Variants in PCDH7 observed in about 807,000 individuals in gnomAD.
The protein encoded by PCDH7 is protocadherin-7.
PCDH7 carries 17 observed loss-of-function variants against 58.9 expected under a neutral mutation model. The ratio of observed to expected loss-of-function variants is 0.29; its 90% CI spans 0.20 to 0.43. The LOEUF (loss-of-function observed/expected upper bound fraction) is 0.43, where lower values mean the gene tolerates loss of function less well. Ranked by LOEUF, PCDH7 falls within the 20% of genes least tolerant of loss-of-function variation. PCDH7 has a pLI of 1.00. For missense variants in PCDH7, 1,274 were observed against 1,441.0 expected, an observed-to-expected ratio of 0.88 and a Z score of 1.88; for synonymous variants, 664 against 616.4, an observed-to-expected ratio of 1.08 and a Z score of -1.14.
At chr4:30,895,787 A>T (rs1739325440) in intron 1 of PCDH7, among the ~76,000 whole-genome samples, 1 of 152,170 alleles carries the variant, frequency 6.6e-6, no homozygotes, top group South Asian at 2.1e-4. Context: ...TTTACATTCT[A>T]CCTTACTCAG....
chr4:30,934,395 A>G (rs926305488), intron 2 of PCDH7, among the ~76,000 whole-genome samples: 3 of 151,478 alleles, frequency 2.0e-5, no homozygotes, highest in African/African-American at 4.9e-5. Flanking sequence ...TAGCTTCTTA[A>G]ACTTTTTCTG....
intron 1 of PCDH7, among the ~76,000 whole-genome samples, chr4:30,880,045 C>T (rs1736769221): frequency 6.6e-6 from 1 of 152,104 alleles, no homozygotes; most frequent in South Asian, 2.1e-4. Flanking sequence ...CACTCTTAGT[C>T]AGTATACCAG....
At chr4:30,751,079 G>A (rs1406708863) in intron 1 of PCDH7, among the ~76,000 whole-genome samples, 1 of 152,152 alleles carries the variant, frequency 6.6e-6, no homozygotes, top group Non-Finnish European at 1.5e-5. Context: ...ACTTTTTGTG[G>A]CCATGTTAAG....
At chr4:31,097,638 A>ATATATATATATATAT (rs370034723) in intron 3 of PCDH7, among the ~76,000 whole-genome samples, 4 of 79,252 alleles carry the variant, frequency 5.0e-5, no homozygotes, top group South Asian at 4.3e-4. Context: ...ATATATATAT[A>ATATATATATATATAT]AATCTTTTTT....
downstream of PCDH7, chr4:31,144,980 T>C (rs1477905769): frequency 1.3e-5 from 2 of 152,220 alleles, no homozygotes; most frequent in South Asian, 2.1e-4. Flanking sequence ...AAGATACTTA[T>C]GAAATGTATA....
At chr4:30,897,442 T>G (rs1739597759) in intron 1 of PCDH7, among the ~76,000 whole-genome samples, 1 of 152,176 alleles carries the variant, frequency 6.6e-6, no homozygotes, top group Admixed American at 6.5e-5. Context: ...TTTTTAAGGT[T>G]TTCCTAAAGA....
intron 3 of PCDH7, among the ~76,000 whole-genome samples, chr4:31,036,169 A>G (rs1457589223): frequency 6.6e-6 from 1 of 152,164 alleles, no homozygotes; most frequent in Non-Finnish European, 1.5e-5. Flanking sequence ...CTGAACATAG[A>G]AACTGAGAAA....
At chr4:30,758,940 G>GCTTTTT (rs1553880707) in intron 1 of PCDH7, among the ~76,000 whole-genome samples, 2 of 124,238 alleles carry the variant, frequency 1.6e-5, no homozygotes, top group Non-Finnish European at 1.7e-5. Context: ...TTGAAGAAGT[G>GCTTTTT]TTTTTTTTTT....
intron 3 of PCDH7, among the ~76,000 whole-genome samples, chr4:31,004,522 C>T (rs1373998179): frequency 2.0e-5 from 3 of 151,850 alleles, no homozygotes; most frequent in Non-Finnish European, 4.4e-5. Flanking sequence ...CCAGCCTGGC[C>T]GACATGGTGA....
At chr4:31,015,138 G>A (rs115224784) in intron 3 of PCDH7, among the ~76,000 whole-genome samples, 16 of 152,242 alleles carry the variant, frequency 1.1e-4, no homozygotes, top group African/African-American at 3.9e-4. Flanking sequence ...TCCAGACTTG[G>A]CAATGAGAAA....
At chr4:30,775,013 C>T (rs1721883766) in intron 1 of PCDH7, among the ~76,000 whole-genome samples, 1 of 152,110 alleles carries the variant, frequency 6.6e-6, no homozygotes, top group Non-Finnish European at 1.5e-5. Context: ...TAGAATTTAA[C>T]TTGAATGGAA....
At position 30,977,629 on chromosome 4, in the gene PCDH7, A is replaced by T. The variant is rs559041188; in HGVS notation, c.*7+27414A>T. Among the ~76,000 whole-genome samples the T allele has an allele frequency of 3.1e-4, 47 of 152,260 alleles. No individual in the cohort carries two copies. The East Asian group carries it at 8.5e-3, about 28-fold the overall frequency. On this transcript the variant is annotated intron_variant, in intron 3 of 3. Transcript: ENST00000509759. ...AAATTTTCACCAAGTGCACATTTTC[A>T]TGCACTAGAGTGTTCTCAGAAATTG...
At chr4:31,124,907 C>T (rs1276210010) in intron 3 of PCDH7, among the ~76,000 whole-genome samples, 4 of 152,142 alleles carry the variant, frequency 2.6e-5, no homozygotes, top group African/African-American at 4.8e-5. Context: ...ACATCTAATT[C>T]GCCAAGGAGT....
At chr4:30,976,642 G>A (rs908299659) in intron 3 of PCDH7, among the ~76,000 whole-genome samples, 2 of 151,844 alleles carry the variant, frequency 1.3e-5, no homozygotes, top group East Asian at 1.9e-4. Flanking sequence ...CTCGTGATCC[G>A]CCCACCTCGG....
At chr4:30,836,207 A>G (rs188436031) in intron 1 of PCDH7, among the ~76,000 whole-genome samples, 8 of 152,326 alleles carry the variant, frequency 5.3e-5, no homozygotes, top group Admixed American at 5.2e-4. Flanking sequence ...TTTATTATTT[A>G]TAAGGCATTA....
chr4:30,819,070 C>T (rs1310711415), intron 1 of PCDH7, among the ~76,000 whole-genome samples: 1 of 152,186 alleles, frequency 6.6e-6, no homozygotes, highest in Non-Finnish European at 1.5e-5. Context: ...CTGTGATCCA[C>T]AGAGCACAGA....
At chr4:30,817,341 A>C (rs981020330) in intron 1 of PCDH7, among the ~76,000 whole-genome samples, 1 of 152,092 alleles carries the variant, frequency 6.6e-6, no homozygotes, top group Non-Finnish European at 1.5e-5. Context: ...TTCATTCTCT[A>C]TGTTTCAGTA....
At chr4:30,899,134 T>C (rs1465447186) in intron 1 of PCDH7, among the ~76,000 whole-genome samples, 1 of 152,150 alleles carries the variant, frequency 6.6e-6, no homozygotes, top group Non-Finnish European at 1.5e-5. Flanking sequence ...TTGTTACTGT[T>C]GGTTGTGATT....
chr4:31,145,052 A>G (rs1233106622), downstream of PCDH7: 10 of 151,878 alleles, frequency 6.6e-5, no homozygotes, highest in East Asian at 1.7e-3. Flanking sequence ...TGTTTGACAA[A>G]CTTTTTTTTT....
Sources: gnomAD v4.1 joint callset for allele counts (sites outside exome capture counted in the v4.1 genomes callset) on GRCh38, gnomAD v4.1.1 for gene constraint, MANE v1.5 for transcripts, NCBI Gene and HGNC (gene_info 2026-07-23, HGNC 2026-07-21) for gene names.